The following IL23R variants were observed in gnomAD, a reference collection of about 807,000 sequenced individuals.
The protein encoded by IL23R is interleukin-23 receptor.
Under a neutral mutation model 56.9 loss-of-function variants are expected in IL23R, and 34 were observed. That is an observed-to-expected ratio of 0.60 (90% CI 0.45 to 0.80). The LOEUF (loss-of-function observed/expected upper bound fraction) is 0.80, where lower values mean the gene tolerates loss of function less well. Ranked by LOEUF, IL23R falls within the 30% of genes least tolerant of loss-of-function variation. The pLI, the probability that IL23R is intolerant of heterozygous loss-of-function variation, is 0.00. For synonymous variants in IL23R, 230 were observed against 249.2 expected (o/e 0.92, Z 0.73); for missense variants, 635 against 730.0 (o/e 0.87, Z 1.50).
At chr1:67,167,784 T>A (rs1646891177) in intron 1 of IL23R, among the ~76,000 whole-genome samples, 1 of 152,190 alleles carries the variant, frequency 6.6e-6, no homozygotes, top group African/African-American at 2.4e-5. Context: ...AGGTTTCTGA[T>A]GAGAAAGGCT....
At chr1:67,227,941 T>TCTTTCTTA (rs1650734170) in intron 7 of IL23R, among the ~76,000 whole-genome samples, 3 of 3,222 alleles carry the variant, frequency 9.3e-4, no homozygotes, top group African/African-American at 1.7e-3. Flanking sequence ...AGAACAAAGA[T>TCTTTCTTA]CTTTCTTTCT....
At chr1:67,248,425 T>C (rs894557818) in intron 9 of IL23R, among the ~76,000 whole-genome samples, 1 of 152,238 alleles carries the variant, frequency 6.6e-6, no homozygotes, top group Admixed American at 6.5e-5. Context: ...TACTTGTGTA[T>C]GCTTCACGAA....
chr1:67,199,352 T>G (rs1480266694), intron 4 of IL23R, among the ~76,000 whole-genome samples: 1 of 152,144 alleles, frequency 6.6e-6, no homozygotes, highest in Non-Finnish European at 1.5e-5. Context: ...TTGCGATCTC[T>G]CACCCCATCC....
At chr1:67,256,884 C>A (rs10889676) in intron 10 of IL23R, among the ~76,000 whole-genome samples, 43,282 of 152,084 alleles carry the variant, frequency 0.28, 7,329 homozygotes, top group East Asian at 0.73. Context: ...AAATAAAATA[C>A]TTTTTAAAAG....
At chr1:67,235,238 A>G (rs1032546299) in intron 7 of IL23R, among the ~76,000 whole-genome samples, 1 of 152,114 alleles carries the variant, frequency 6.6e-6, no homozygotes, top group African/African-American at 2.4e-5. Flanking sequence ...CGGGTGAAAC[A>G]TTTTCCTCTT....
chr1:67,189,356 T>C (rs953878729), intron 4 of IL23R, among the ~76,000 whole-genome samples: 2 of 152,136 alleles, frequency 1.3e-5, no homozygotes, highest in Admixed American at 6.5e-5. Context: ...AGTAATAATA[T>C]AAGGTCATAT....
chr1:67,222,102 CTTTTTTTTTTT>C (rs72241835), intron 7 of IL23R, among the ~76,000 whole-genome samples: 850 of 58,970 alleles, frequency 0.014, 10 homozygotes, highest in African/African-American at 0.047. Flanking sequence ...TTCTTTCTTT[CTTTTTTTTTTT>C]TTTTTTTTTT....
chr1:67,165,404 A>G (rs1173343011), upstream of IL23R, among the ~76,000 whole-genome samples: 2 of 152,218 alleles, frequency 1.3e-5, no homozygotes, highest in Non-Finnish European at 2.9e-5. Context: ...TGAAATAAAA[A>G]CAATTTTATT....
intron 9 of IL23R, among the ~76,000 whole-genome samples, chr1:67,244,548 A>G (rs148170789): frequency 0.094 from 14,282 of 151,870 alleles, 872 homozygotes; most frequent in African/African-American, 0.17. Context: ...CAGTTTCCCA[A>G]CACAATTTAT....
chr1:67,226,795 G>A (rs1650648758), intron 7 of IL23R, among the ~76,000 whole-genome samples: 1 of 152,112 alleles, frequency 6.6e-6, no homozygotes, highest in Non-Finnish European at 1.5e-5. Context: ...AGTGGTTTGG[G>A]TGACAGAAAA....
chr1:67,232,483 A>G (rs149704566), intron 7 of IL23R, among the ~76,000 whole-genome samples: 36 of 152,322 alleles, frequency 2.4e-4, no homozygotes, highest in African/African-American at 8.4e-4. Flanking sequence ...TAATGAGATC[A>G]GTGACCAGCA....
At chr1:67,148,934 A>C (rs1646705330) in intron 1 of IL23R, among the ~76,000 whole-genome samples, 1 of 152,272 alleles carries the variant, frequency 6.6e-6, no homozygotes, top group African/African-American at 2.4e-5. Flanking sequence ...ACTAGAATGG[A>C]GTACAGCCAC....
intron 9 of IL23R, among the ~76,000 whole-genome samples, chr1:67,243,448 A>C (rs528748533): frequency 6.6e-6 from 1 of 151,930 alleles, no homozygotes; most frequent in East Asian, 1.9e-4. Context: ...TCCTAATGCT[A>C]TCCCTCCCCC....
chr1:67,238,679 C>T (rs539374845), intron 8 of IL23R, among the ~76,000 whole-genome samples: 5 of 152,284 alleles, frequency 3.3e-5, no homozygotes, highest in Admixed American at 3.3e-4. Flanking sequence ...CGCTCTTGGT[C>T]ATTCTGCTCT....
In IL23R at chr1:67,173,739, TAG is replaced by T. The variant is rs533451729; in HGVS notation, c.367+4106_367+4107del. ...TTATAAAATCAAATTGCATTGAATA[TAG>T]AGAGTTTTTAAAATGTAGACCAGCA... On this transcript the variant is annotated intron_variant, in intron 3 of 10. Transcript: ENST00000347310. 2.6e-4 allele frequency among the ~76,000 whole-genome samples: 39 copies of T among 152,302 alleles called. 1 individual carries two copies. The highest frequency in any genetic ancestry group is 3.4e-3 in the Middle Eastern group (1 of 294).
chr1:67,258,792 A>G lies in IL23R; in HGVS notation c.1554A>G (p.Ser518=), dbSNP rs1280677384. The G allele has an allele frequency of 1.2e-6, 2 of 1,611,264 alleles. No individual in the cohort carries two copies. Among genetic ancestry groups the G allele is most frequent in the Non-Finnish European group, 1.7e-6 (2 of 1,177,788 alleles). The change falls in exon 11 of 11, where the codon TCA becomes TCG. Residue 518 remains serine (S), a synonymous_variant. Transcript: ENST00000347310. ...AACCACCAGTTGATTCCTTAGACTC[A>G]GGAAATAATCCCAGGTTACAAAAGC... ...TLKPPVDSLD[S]GNNPRLQKHP...
chr1:67,205,915 C>CTCTTTCTT (rs1648996577), intron 5 of IL23R, among the ~76,000 whole-genome samples: 1 of 123,134 alleles, frequency 8.1e-6, no homozygotes, highest in Admixed American at 8.4e-5. Flanking sequence ...TTCTTTCTTT[C>CTCTTTCTT]TTTCTTTCTT....
chr1:67,229,508 C>A (rs561775894), intron 7 of IL23R, among the ~76,000 whole-genome samples: 23 of 152,238 alleles, frequency 1.5e-4, no homozygotes, highest in Admixed American at 9.2e-4. Context: ...TTGATTAAAC[C>A]ATTGGCCATT....
intron 7 of IL23R, among the ~76,000 whole-genome samples, chr1:67,227,970 CTT>C (rs1316773531): frequency 1.3e-5 from 1 of 79,704 alleles, no homozygotes; most frequent in African/African-American, 5.4e-5. Flanking sequence ...TTCTTTCTTT[CTT>C]TCTTTCTTTC....
Sources: gnomAD v4.1 joint callset for allele counts (sites outside exome capture counted in the v4.1 genomes callset) on GRCh38, gnomAD v4.1.1 for gene constraint, MANE v1.5 for transcripts, NCBI Gene and HGNC (gene_info 2026-07-23, HGNC 2026-07-21) for gene names.